The following ZNF516 variants were observed in gnomAD, a reference collection of about 807,000 sequenced individuals.
ZNF516 encodes the protein zinc finger protein 516.
ZNF516 carries 19 observed loss-of-function variants against 79.7 expected under a neutral mutation model. That is an observed-to-expected ratio of 0.24 (90% CI 0.17 to 0.35). The LOEUF (loss-of-function observed/expected upper bound fraction) is 0.35, where lower values mean the gene tolerates loss of function less well. Ranked by LOEUF, ZNF516 falls within the 10% of genes least tolerant of loss-of-function variation. ZNF516 has a pLI of 1.00. For synonymous variants in ZNF516, 877 were observed against 739.5 expected, an observed-to-expected ratio of 1.19 and a Z score of -3.02; for missense variants, 1,678 against 1,679.5, an observed-to-expected ratio of 1.00 and a Z score of 0.02.
intron 3 of ZNF516, among the ~76,000 whole-genome samples, chr18:76,392,126 G>C (rs1033775711): frequency 5.3e-5 from 8 of 152,214 alleles, no homozygotes; most frequent in Admixed American, 4.6e-4. Flanking sequence ...CTGGACCAAA[G>C]AAACACAGTA....
intron 3 of ZNF516, chr18:76,387,099 C>G (rs1378526628): frequency 6.6e-6 from 1 of 152,386 alleles, no homozygotes; most frequent in East Asian, 1.9e-4. Flanking sequence ...GCTCCGTCAT[C>G]CATGTGGACT....
At chr18:76,386,243 A>T (rs1178088431) in intron 3 of ZNF516, 1 of 151,958 alleles carries the variant, frequency 6.6e-6, no homozygotes, top group Non-Finnish European at 1.5e-5. Context: ...GCTTTGTTGA[A>T]CACACAGGGT....
chr18:76,469,992 A>C (rs1913731941), intron 1 of ZNF516, among the ~76,000 whole-genome samples: 1 of 152,260 alleles, frequency 6.6e-6, no homozygotes, highest in Non-Finnish European at 1.5e-5. Flanking sequence ...AGGCATTGTT[A>C]AGTAAATAAT....
chr18:76,420,735 C>T (rs1392255424), intron 3 of ZNF516, among the ~76,000 whole-genome samples: 1 of 151,836 alleles, frequency 6.6e-6, no homozygotes, highest in Non-Finnish European at 1.5e-5. Flanking sequence ...GTGTCATATT[C>T]TATATATATA....
chr18:76,364,196 C>T (rs1239963086), intron 6 of ZNF516, among the ~76,000 whole-genome samples: 1 of 152,210 alleles, frequency 6.6e-6, no homozygotes, highest in African/African-American at 2.4e-5. Context: ...TTCACAAATC[C>T]AGATGCAGAG....
rs192948105 is a variant in ZNF516 at position 76,419,065 on chromosome 18, G to A, written c.1810+22180C>T. 7.9e-5 allele frequency among the ~76,000 whole-genome samples: 12 copies of A among 152,304 alleles called. 1 individual carries two copies. In the South Asian group the frequency reaches 1.7e-3, roughly 21 times the overall value. On this transcript the variant is annotated intron_variant, in intron 3 of 6. Coordinates refer to ENST00000443185, the MANE Select transcript of ZNF516 (RefSeq NM_014643.4). ...ACCATCTCACCAATAAAACACATCC[G>A]TTAGGCACAGACACTGTGGGTCGCA...
chr18:76,419,707 T>C (rs1475700134), intron 3 of ZNF516, among the ~76,000 whole-genome samples: 1 of 152,212 alleles, frequency 6.6e-6, no homozygotes, highest in Non-Finnish European at 1.5e-5. Context: ...CATTAAGACA[T>C]GCCTTTGCTT....
chr18:76,485,212 G>A (rs1281103970), intron 1 of ZNF516, among the ~76,000 whole-genome samples: 1 of 152,126 alleles, frequency 6.6e-6, no homozygotes, highest in Non-Finnish European at 1.5e-5. Flanking sequence ...GTTACTCAAA[G>A]GGACAAATTA....
chr18:76,381,088 G>A (rs1038406159), intron 3 of ZNF516, among the ~76,000 whole-genome samples: 1 of 152,198 alleles, frequency 6.6e-6, no homozygotes, highest in African/African-American at 2.4e-5. Flanking sequence ...AGTCTGGGAT[G>A]AACTCTGCGG....
At chr18:76,389,172 GCA>G (rs2075033824) in intron 3 of ZNF516, 2 of 152,042 alleles carry the variant, frequency 1.3e-5, no homozygotes, top group African/African-American at 4.8e-5. Flanking sequence ...CTTGCAGGTG[GCA>G]TCTGAGAATC....
rs1178677856 is a variant in ZNF516, at chr18:76,443,066, G to A, written c.-12C>T. On this transcript the variant is annotated 5_prime_UTR_variant, in exon 3 of 7. Transcript: ENST00000443185. ...CTGTTGCGATCCATCCGAAGGACGG[G>A]CGCGGCCGGTGGTGGCGGCACAGCT... 6.4e-7 allele frequency: 1 copy of A among 1,572,398 alleles called. No individual in the cohort carries two copies. The highest frequency in any genetic ancestry group is 1.1e-5 in the South Asian group (1 of 87,792).
rs150337670 is a variant in ZNF516, at chr18:76,385,074, C to T, written c.1811-4771G>A. Among the ~76,000 whole-genome samples the T allele has an allele frequency of 4.4e-3, 666 of 152,330 alleles. 8 individuals carry two copies. Among genetic ancestry groups the T allele is most frequent in the Non-Finnish European group, 6.8e-3 (460 of 68,024 alleles). ...CGTGCCAGGAGGAGGCAGCCGGGTCCGAGCAGCCCTAGAGAAGGCGCACGT... is the reference window on the plus strand; with the variant it reads ...CGTGCCAGGAGGAGGCAGCCGGGTCTGAGCAGCCCTAGAGAAGGCGCACGT... On this transcript the variant is annotated intron_variant, in intron 3 of 6. Coordinates refer to ENST00000443185, the MANE Select transcript of ZNF516 (RefSeq NM_014643.4).
chr18:76,415,369 T>C (rs545175249), intron 3 of ZNF516, among the ~76,000 whole-genome samples: 88 of 152,256 alleles, frequency 5.8e-4, no homozygotes, highest in Non-Finnish European at 1.0e-3. Flanking sequence ...CTGACGGTTG[T>C]CACGGCAAGC....
chr18:76,369,561 C>T (rs1001502196), intron 6 of ZNF516, among the ~76,000 whole-genome samples: 5 of 152,114 alleles, frequency 3.3e-5, no homozygotes, highest in South Asian at 2.1e-4. Context: ...TAAACTAGAA[C>T]GATTCTCGAG....
At chr18:76,363,184 T>C (rs561277263) in intron 6 of ZNF516, among the ~76,000 whole-genome samples, 33 of 152,278 alleles carry the variant, frequency 2.2e-4, no homozygotes, top group Middle Eastern at 3.4e-3. Context: ...CCAATGACAT[T>C]TGAAGCATCC....
intron 4 of ZNF516, among the ~76,000 whole-genome samples, chr18:76,376,443 A>G (rs944721323): frequency 5.9e-5 from 9 of 152,186 alleles, no homozygotes; most frequent in Non-Finnish European, 1.2e-4. Flanking sequence ...CAATGTGTAC[A>G]TTAGAAGAAT....
chr18:76,398,899 T>C (rs987616165), intron 3 of ZNF516, among the ~76,000 whole-genome samples: 1 of 152,216 alleles, frequency 6.6e-6, no homozygotes, highest in Admixed American at 6.5e-5. Flanking sequence ...ACAAAGAAAC[T>C]GTAATGAGTC....
chr18:76,452,517 T>C (rs1442572935), intron 2 of ZNF516, among the ~76,000 whole-genome samples: 1 of 152,192 alleles, frequency 6.6e-6, no homozygotes, highest in African/African-American at 2.4e-5. Flanking sequence ...GGAGTCATCA[T>C]GCTATTTATA....
intron 3 of ZNF516, among the ~76,000 whole-genome samples, chr18:76,407,797 C>G (rs1001160497): frequency 1.3e-5 from 2 of 152,214 alleles, no homozygotes; most frequent in Non-Finnish European, 2.9e-5. Flanking sequence ...CTCATGGGGC[C>G]CATGGGCTCA....
Sources: gnomAD v4.1 joint callset for allele counts (sites outside exome capture counted in the v4.1 genomes callset) on GRCh38, gnomAD v4.1.1 for gene constraint, MANE v1.5 for transcripts, NCBI Gene and HGNC (gene_info 2026-07-23, HGNC 2026-07-21) for gene names.